Variants in ATP12A observed in about 807,000 individuals in gnomAD.
The protein encoded by ATP12A is ATPase H+/K+ transporting non-gastric alpha2 subunit, also known as potassium-transporting ATPase alpha chain 2.
Under a neutral mutation model 111.2 loss-of-function variants are expected in ATP12A, and 81 were observed. The observed-to-expected ratio is 0.73, with a 90% CI of 0.61 to 0.88. The LOEUF (loss-of-function observed/expected upper bound fraction) is 0.88. Ranked by LOEUF, ATP12A falls within the 40% of genes least tolerant of loss-of-function variation. The probability of loss-of-function intolerance (pLI) is 0.00; values close to 1 mark genes in which losing one functional copy is unlikely to be tolerated. For synonymous variants in ATP12A, 498 were observed against 499.8 expected (o/e 1.00, Z 0.05); for missense variants, 1,196 against 1,313.1 (o/e 0.91, Z 1.38).
chr13:24,701,580 G>C (rs979027401), intron 13 of ATP12A, among the ~76,000 whole-genome samples: 3 of 152,082 alleles, frequency 2.0e-5, no homozygotes, highest in Non-Finnish European at 2.9e-5. Context: ...CAGTCTTGAG[G>C]CTCAGCCCCC....
chr13:24,709,317 G>T (rs770795805), intron 17 of ATP12A, 47 bp from the exon 18 acceptor site: 15 of 1,500,496 alleles, frequency 1.0e-5, no homozygotes, highest in East Asian at 2.5e-5. Flanking sequence ...ACTGTGGGTA[G>T]AGCAGAACAT....
intron 11 of ATP12A, among the ~76,000 whole-genome samples, chr13:24,698,001 G>A (rs1875236982): frequency 6.6e-6 from 1 of 152,120 alleles, no homozygotes; most frequent in African/African-American, 2.4e-5. Context: ...TATCAGAAGG[G>A]CTAGATAAGA....
intron 22 of ATP12A, 22 bp from the exon 23 acceptor site, chr13:24,711,472 G>A: frequency 2.5e-6 from 4 of 1,614,116 alleles, no homozygotes; most frequent in Non-Finnish European, 3.4e-6. Flanking sequence ...CATTTCTGAT[G>A]TACTTTTTTC....
Position 24,694,536 on chromosome 13 carries a change from CA to C in ATP12A, c.1473del (p.Val492Ter). The C allele has an allele frequency of 6.2e-7, 1 of 1,613,852 alleles. No individual in the cohort carries two copies. The highest frequency in any genetic ancestry group is 1.1e-5 in the South Asian group (1 of 91,056). ...DVMEIRKRNR[K>X]VAEIPFNSTN... ...TGATGGAAATTAGAAAAAGAAACCG[CA>C]AAGTAGCTGAAATCCCTTTTAACTC... On this transcript the variant is annotated frameshift_variant, in exon 11 of 23. Coordinates refer to ENST00000381946, the MANE Select transcript of ATP12A (RefSeq NM_001676.7). LOFTEE classifies it high-confidence loss of function.
Position 24,707,433 on chromosome 13 carries a change from TGTAA to T in ATP12A, c.2493+3_2493+6del. 1 of 1,614,204 alleles carries T rather than the reference TGTAA, an allele frequency of 6.2e-7. No homozygotes were observed. The highest frequency in any genetic ancestry group is 8.5e-7 in the Non-Finnish European group (1 of 1,180,022). ...TGTTCATTGACTTGGGGACAGACAT[TGTAA>T]GTGACACTGAAGGGAACAGGCTGTG... On this transcript the variant is annotated splice_donor_variant and splice_donor_region_variant and intron_variant, in intron 17 of 22. Coordinates refer to ENST00000381946, the MANE Select transcript of ATP12A (RefSeq NM_001676.7). LOFTEE classifies it high-confidence loss of function.
At position 24,707,400 on chromosome 13, in the gene ATP12A, C is replaced by G; in HGVS notation, c.2460C>G (p.Ile820Met). ...GGCTCCCCCTGCCCATTGGCACCAT[C>G]ACCATTCTGTTCATTGACTTGGGGA... ...IVGLPLPIGT[I>M]TILFIDLGTD... The change falls in exon 17 of 23, where the codon ATC becomes ATG. Residue 820 changes from isoleucine (I) to methionine (M), a missense_variant. By Grantham distance (10) the Ile-to-Met change is conservative (BLOSUM62 1). This residue lies in a region of ATP12A where 1,126 missense variants were observed against 1,228.5 expected (regional missense o/e 0.92). Coordinates refer to ENST00000381946, the MANE Select transcript of ATP12A (RefSeq NM_001676.7). The G allele has an allele frequency of 6.2e-7, 1 of 1,614,238 alleles. No homozygotes were observed. Among genetic ancestry groups the G allele is most frequent in the Non-Finnish European group, 8.5e-7 (1 of 1,180,050 alleles).
At position 24,690,772 on chromosome 13, in the gene ATP12A, C is replaced by G. The variant is rs768469457; in HGVS notation, c.799+51C>G. The stretch of plus-strand genomic sequence containing the variant: ...ACATGTCCACCTGTGTCCTTTCTCC[C>G]TCCTGGGCTCTCAGGTCTGTCCTTT... On this transcript the variant is annotated intron_variant, in intron 7 of 22. Coordinates refer to ENST00000381946, the MANE Select transcript of ATP12A (RefSeq NM_001676.7). 3.2e-6 allele frequency: 5 copies of G among 1,539,886 alleles called. No individual in the cohort carries two copies. In the South Asian group the frequency reaches 6.0e-5, roughly 18 times the overall value.
chr13:24,709,888 C>A, intron 19 of ATP12A, 60 bp downstream of exon 19: 8 of 1,596,218 alleles, frequency 5.0e-6, no homozygotes, highest in Non-Finnish European at 6.8e-6. Flanking sequence ...CATTGCCCTG[C>A]GCAGAATTAC....
At position 24,711,315 on chromosome 13, in the gene ATP12A, C is replaced by A; in HGVS notation, c.3000-3C>A. The A allele has an allele frequency of 6.3e-7, 1 of 1,594,562 alleles. No homozygotes were observed. The highest frequency in any genetic ancestry group is 8.6e-7 in the Non-Finnish European group (1 of 1,169,202). ...GGTTCACTTTCCATCCCTTTGCTTC[C>A]AGGGCTCAGTACTGGTTTGTGGCTG... On this transcript the variant is annotated splice_polypyrimidine_tract_variant and splice_region_variant and intron_variant, in intron 21 of 22. Transcript: ENST00000381946.
At chr13:24,692,660 G>T (rs1481003838) in intron 9 of ATP12A, 33 bp downstream of exon 9, 2 of 1,603,260 alleles carry the variant, frequency 1.2e-6, no homozygotes, top group Admixed American at 1.7e-5. Context: ...TCTGGCCAAA[G>T]CTGTGGACTC....
rs764140272 is a variant in ATP12A at position 24,707,356 on chromosome 13, C to CT, written c.2417dup (p.Ile807AspfsTer20). 8 of 1,614,134 alleles carry CT rather than the reference C, an allele frequency of 5.0e-6. No homozygotes were observed. In the African/African-American group the frequency reaches 1.1e-4, roughly 22 times the overall value. On this transcript the variant is annotated frameshift_variant, in exon 17 of 23. Coordinates refer to ENST00000381946, the MANE Select transcript of ATP12A (RefSeq NM_001676.7). LOFTEE classifies it high-confidence loss of function. ...GAACATTGCCGAGCTGTGCCCCTTT[C>CT]TGATCTACATCATTGTCGGGCTCCC...
intron 11 of ATP12A, among the ~76,000 whole-genome samples, chr13:24,697,094 T>G (rs1875199440): frequency 6.6e-6 from 1 of 152,212 alleles, no homozygotes; most frequent in Non-Finnish European, 1.5e-5. Context: ...CTCTGGAGCC[T>G]GCTAGCCTGG....
At chr13:24,695,670 C>T (rs752583481) in intron 11 of ATP12A, among the ~76,000 whole-genome samples, 61 of 140,880 alleles carry the variant, frequency 4.3e-4, no homozygotes, top group African/African-American at 1.4e-3. Flanking sequence ...TGCAGTGGCA[C>T]GATCTCGGCT....
intron 3 of ATP12A, among the ~76,000 whole-genome samples, chr13:24,688,112 C>T (rs867831969): frequency 6.6e-6 from 1 of 152,154 alleles, no homozygotes; most frequent in Non-Finnish European, 1.5e-5. Context: ...GAGCACAGTG[C>T]CTGGCTGGTA....
rs773336483 is a variant in ATP12A, at chr13:24,700,803, A to G, written c.1762A>G (p.Ile588Val). Reference protein sequence around the residue: ...DEFPETYSFDIDAMNFPTSNL... With the variant: ...DEFPETYSFDVDAMNFPTSNL... ...GTTTCCAGAAACCTACTCATTTGACATAGACGCTATGAACTTTCCGACCTC... is the reference window on the plus strand; with the variant it reads ...GTTTCCAGAAACCTACTCATTTGACGTAGACGCTATGAACTTTCCGACCTC... Residue 588 changes from isoleucine (I) to valine (V), a missense_variant, in exon 13 of 23, where the codon ATA becomes GTA. By Grantham distance (29) the Ile-to-Val change is conservative. Coordinates refer to ENST00000381946, the MANE Select transcript of ATP12A (RefSeq NM_001676.7). The G allele has an allele frequency of 3.0e-5, 48 of 1,614,014 alleles. No homozygotes were observed. The highest frequency in any genetic ancestry group is 1.6e-4 in the Middle Eastern group (1 of 6,084).
At chr13:24,706,979 T>G (rs1323518372) in intron 15 of ATP12A, 44 bp from the exon 16 acceptor site, 2 of 1,545,436 alleles carry the variant, frequency 1.3e-6, no homozygotes, top group Admixed American at 1.9e-5. Context: ...TGCAACCCAC[T>G]GGGCCTGCTC....
intron 11 of ATP12A, among the ~76,000 whole-genome samples, chr13:24,697,981 G>C (rs1347205266): frequency 1.3e-5 from 2 of 152,144 alleles, no homozygotes; most frequent in South Asian, 2.1e-4. Context: ...GCTTAGAAGA[G>C]TACCTGGCTT....
At chr13:24,695,886 G>T (rs1875132614) in intron 11 of ATP12A, among the ~76,000 whole-genome samples, 1 of 152,192 alleles carries the variant, frequency 6.6e-6, no homozygotes. Flanking sequence ...TGGGATTACA[G>T]GCGTGAGCCA....
chr13:24,707,202 C>G lies in ATP12A; in HGVS notation c.2338+11C>G. ...CAGGGGTGGAGGAAGGTGAGTGAGT[C>G]TCAGGGGGTCTTCCCAAGGGCCAGG... On this transcript the variant is annotated intron_variant, in intron 16 of 22. Coordinates refer to ENST00000381946, the MANE Select transcript of ATP12A (RefSeq NM_001676.7). 1 of 1,613,082 alleles carries G rather than the reference C, an allele frequency of 6.2e-7. No individual in the cohort carries two copies. The highest frequency in any genetic ancestry group is 8.5e-7 in the Non-Finnish European group (1 of 1,179,364).
Sources: allele counts gnomAD v4.1 joint callset (sites outside exome capture counted in the v4.1 genomes callset), GRCh38; gene constraint gnomAD v4.1.1; regional missense constraint gnomAD v4.1.1; transcripts MANE v1.5; gene names NCBI Gene and HGNC (gene_info 2026-07-23, HGNC 2026-07-21).